The following LRP1B variants were observed in gnomAD, a reference collection of about 807,000 sequenced individuals.
The protein encoded by LRP1B is LDL receptor related protein 1B.
In LRP1B, 217 loss-of-function variants were observed where a neutral mutation model predicts 556.6. That is an observed-to-expected ratio of 0.39 (90% CI 0.35 to 0.44). LRP1B has a LOEUF of 0.44. Ranked by LOEUF, LRP1B falls within the 20% of genes least tolerant of loss-of-function variation. The pLI, the probability that LRP1B is intolerant of heterozygous loss-of-function variation, is 1.00. For synonymous variants in LRP1B, 2,047 were observed against 1,865.8 expected, an observed-to-expected ratio of 1.10 and a Z score of -2.50; for missense variants, 5,053 against 5,620.8, an observed-to-expected ratio of 0.90 and a Z score of 3.23.
intron 79 of LRP1B, among the ~76,000 whole-genome samples, chr2:140,330,199 CAATAATAATAATAAT>C (rs70985089): frequency 0.085 from 11,702 of 137,894 alleles, 604 homozygotes; most frequent in South Asian, 0.2. Flanking sequence ...GACTCTGTCT[CAATAATAATAATAAT>C]AATAATAATA....
At chr2:142,037,809 T>G (rs1452222239) in intron 1 of LRP1B, among the ~76,000 whole-genome samples, 1 of 151,296 alleles carries the variant, frequency 6.6e-6, no homozygotes, top group Non-Finnish European at 1.5e-5. Context: ...AACATTTTTT[T>G]TAAGAGCTGT....
At chr2:140,614,319 C>T (rs186756096) in intron 41 of LRP1B, among the ~76,000 whole-genome samples, 3 of 151,986 alleles carry the variant, frequency 2.0e-5, no homozygotes, top group Non-Finnish European at 4.4e-5. Context: ...CTCTTTAATT[C>T]CATCTTTAGA....
chr2:140,248,489 CATTAT>C (rs1374868694), intron 86 of LRP1B, among the ~76,000 whole-genome samples: 2 of 151,526 alleles, frequency 1.3e-5, no homozygotes, highest in African/African-American at 4.8e-5. Context: ...AAAGCTAACA[CATTAT>C]ATAATTTTCT....
At chr2:142,013,343 C>T (rs1047545758) in intron 1 of LRP1B, among the ~76,000 whole-genome samples, 3 of 152,004 alleles carry the variant, frequency 2.0e-5, no homozygotes, top group South Asian at 2.1e-4. Context: ...AGAGTAGTAT[C>T]GGAAGGTGAT....
chr2:140,526,371 A>T (rs559799054), intron 47 of LRP1B, 21 bp from the exon 48 acceptor site: 1 of 1,375,778 alleles, frequency 7.3e-7, no homozygotes, highest in Admixed American at 1.7e-5. Context: ...AGGTACATAA[A>T]CAAATGCAAA....
rs998104913 is a variant in LRP1B at position 140,903,104 on chromosome 2, T to C, written c.3582A>G (p.Gly1194=). 1 of 1,613,548 alleles carries C rather than the reference T, an allele frequency of 6.2e-7. No individual in the cohort carries two copies. Among genetic ancestry groups the C allele is most frequent in the Non-Finnish European group, 8.5e-7 (1 of 1,179,678 alleles). ...GTCCTTCAGGGCAGGAACAGACAAT[T>C]CCTCTTCCAGGAACAACAGAACAGT... ...SNHCSVVPGR[G]IVCSCPEGLQ... Residue 1194 remains glycine (G), a synonymous_variant, in exon 23 of 91, where the codon GGA becomes GGG. Transcript: ENST00000389484.
chr2:140,437,780 G>A (rs768910035), intron 66 of LRP1B, among the ~76,000 whole-genome samples: 11 of 152,112 alleles, frequency 7.2e-5, no homozygotes, highest in Non-Finnish European at 1.0e-4. Flanking sequence ...AATAATAAAT[G>A]TGAATAATAC....
intron 3 of LRP1B, among the ~76,000 whole-genome samples, chr2:141,322,925 C>G (rs910223457): frequency 1.3e-5 from 2 of 152,060 alleles, no homozygotes; most frequent in African/African-American, 4.8e-5. Flanking sequence ...AGTCCTATAA[C>G]TTACATATTA....
intron 11 of LRP1B, among the ~76,000 whole-genome samples, chr2:141,034,651 A>C (rs1045567269): frequency 6.6e-6 from 1 of 151,632 alleles, no homozygotes; most frequent in African/African-American, 2.4e-5. Flanking sequence ...TCAAAACCAC[A>C]ATGAGATACC....
At chr2:141,754,492 T>C (rs1694249888) in intron 2 of LRP1B, among the ~76,000 whole-genome samples, 2 of 152,196 alleles carry the variant, frequency 1.3e-5, no homozygotes, top group Admixed American at 1.3e-4. Context: ...TACTTACCAA[T>C]GCATAATAAT....
rs368565366 is a variant in LRP1B at position 140,850,133 on chromosome 2, G to A, written c.4908C>T (p.Asn1636=). ...KTQTIKRAFI[N]GTGLETVISR... ...AAATAACAGTTTCTAACCCAGTTCCGTTAATAAAAGCTCGTTTAATGGTTT... is the reference window on the plus strand; with the variant it reads ...AAATAACAGTTTCTAACCCAGTTCCATTAATAAAAGCTCGTTTAATGGTTT... The change falls in exon 29 of 91, where the codon AAC becomes AAT. Residue 1636 remains asparagine (N), a synonymous_variant. Transcript: ENST00000389484. 2.3e-5 allele frequency: 37 copies of A among 1,612,400 alleles called. No individual in the cohort carries two copies. The highest frequency in any genetic ancestry group is 1.3e-4 in the East Asian group (6 of 44,796).
chr2:141,094,548 G>A (rs920887151), intron 7 of LRP1B, among the ~76,000 whole-genome samples: 4 of 151,954 alleles, frequency 2.6e-5, no homozygotes, highest in South Asian at 2.1e-4. Context: ...CTAGATCTTC[G>A]GCATATGTTA....
chr2:140,924,072 G>T, intron 20 of LRP1B, among the ~76,000 whole-genome samples: 1 of 151,834 alleles, frequency 6.6e-6, no homozygotes, highest in African/African-American at 2.4e-5. Context: ...TGTGTATCTT[G>T]CATAGCTCTA....
At chr2:140,271,403 C>T (rs1682454375) in intron 85 of LRP1B, among the ~76,000 whole-genome samples, 1 of 151,826 alleles carries the variant, frequency 6.6e-6, no homozygotes, top group South Asian at 2.1e-4. Flanking sequence ...TTTGATCCTC[C>T]CCATGATGGA....
intron 2 of LRP1B, among the ~76,000 whole-genome samples, chr2:141,688,936 A>G (rs543465415): frequency 6.6e-6 from 1 of 151,988 alleles, no homozygotes; most frequent in Admixed American, 6.6e-5. Flanking sequence ...GTTCAAGATC[A>G]TATCTGGCTT....
At chr2:140,863,043 T>C (rs367857242) in intron 27 of LRP1B, among the ~76,000 whole-genome samples, 13 of 152,182 alleles carry the variant, frequency 8.5e-5, no homozygotes, top group African/African-American at 2.2e-4. Flanking sequence ...GTTACACCAC[T>C]GGTTTTCCTG....
chr2:140,787,557 G>GCTTTTTTTTTTTTT (rs1689949168), intron 32 of LRP1B, among the ~76,000 whole-genome samples: 1 of 81,870 alleles, frequency 1.2e-5, no homozygotes, highest in African/African-American at 5.5e-5. Flanking sequence ...TAAAACAGAA[G>GCTTTTTTTTTTTTT]ATTTTTTTTT....
chr2:141,926,420 T>C (rs1227139951), intron 1 of LRP1B, among the ~76,000 whole-genome samples: 1 of 152,136 alleles, frequency 6.6e-6, no homozygotes, highest in Admixed American at 6.6e-5. Context: ...GCACAGCGCT[T>C]AGAAACTAAG....
chr2:141,317,965 T>C (rs1687091974), intron 3 of LRP1B, among the ~76,000 whole-genome samples: 1 of 152,134 alleles, frequency 6.6e-6, no homozygotes, highest in Admixed American at 6.5e-5. Context: ...AAAATTAACA[T>C]TTTAATCAGT....
Sources: gnomAD v4.1 joint callset for allele counts (sites outside exome capture counted in the v4.1 genomes callset) on GRCh38, gnomAD v4.1.1 for gene constraint, MANE v1.5 for transcripts, NCBI Gene and HGNC (gene_info 2026-07-23, HGNC 2026-07-21) for gene names.